CA8: variants seen among roughly 807,000 people sequenced by gnomAD.
CA8 encodes carbonic anhydrase-related protein.
In CA8, 22 loss-of-function variants were observed where a neutral mutation model predicts 41.4. That is an observed-to-expected ratio of 0.53 (90% confidence interval 0.38 to 0.76). The LOEUF (loss-of-function observed/expected upper bound fraction) is 0.76. Ranked by LOEUF, CA8 falls within the 30% of genes least tolerant of loss-of-function variation. The probability of loss-of-function intolerance (pLI) is 0.00; values close to 1 mark genes in which losing one functional copy is unlikely to be tolerated. For missense variants in CA8, 270 were observed against 352.8 expected (o/e 0.77, Z 1.88); for synonymous variants, 121 against 130.6 (o/e 0.93, Z 0.50).
intron 3 of CA8, among the ~76,000 whole-genome samples, chr8:60,257,913 GAGGTCTTTTCAATGTTAC>G (rs1803601497): frequency 6.6e-6 from 1 of 152,244 alleles, no homozygotes; most frequent in Admixed American, 6.5e-5. Flanking sequence ...TTAGGTGAGT[GAGGTCTTTTCAATGTTAC>G]AGTAACACAG....
At chr8:60,276,238 C>T (rs923204581) in intron 2 of CA8, among the ~76,000 whole-genome samples, 1 of 152,130 alleles carries the variant, frequency 6.6e-6, no homozygotes, top group Non-Finnish European at 1.5e-5. Context: ...AACATCCGAT[C>T]TAACACAGGA....
At chr8:60,206,474 T>C (rs2130414313) in intron 8 of CA8, among the ~76,000 whole-genome samples, 1 of 152,132 alleles carries the variant, frequency 6.6e-6, no homozygotes, top group East Asian at 1.9e-4. Context: ...CTCCCTTCAT[T>C]AAAAGTATCA....
chr8:60,236,367 A>T (rs979402600), intron 3 of CA8, among the ~76,000 whole-genome samples: 1 of 152,080 alleles, frequency 6.6e-6, no homozygotes, highest in African/African-American at 2.4e-5. Flanking sequence ...CAGCCCCCAC[A>T]ACTACATGAA....
At chr8:60,232,887 C>A (rs948473507) in intron 3 of CA8, among the ~76,000 whole-genome samples, 1 of 152,076 alleles carries the variant, frequency 6.6e-6, no homozygotes, top group Non-Finnish European at 1.5e-5. Flanking sequence ...AAAAAAGCTG[C>A]ATATTTAAAG....
chr8:60,236,031 TG>T (rs1807819404), intron 3 of CA8, among the ~76,000 whole-genome samples: 1 of 152,184 alleles, frequency 6.6e-6, no homozygotes, highest in African/African-American at 2.4e-5. Flanking sequence ...GTTAATTTTA[TG>T]TGTCAGCTTG....
At chr8:60,245,351 CAAAT>C (rs1310674843) in intron 3 of CA8, among the ~76,000 whole-genome samples, 6 of 151,042 alleles carry the variant, frequency 4.0e-5, no homozygotes, top group Non-Finnish European at 8.9e-5. Flanking sequence ...ATCTGAAAGA[CAAAT>C]AGCCCTGTGA....
chr8:60,280,384 T>C (rs1804372267), intron 1 of CA8, among the ~76,000 whole-genome samples: 1 of 152,162 alleles, frequency 6.6e-6, no homozygotes, highest in African/African-American at 2.4e-5. Flanking sequence ...CCCATAGTCT[T>C]TCCAAATTTT....
intron 2 of CA8, among the ~76,000 whole-genome samples, chr8:60,268,772 T>G (rs1377344718): frequency 6.6e-6 from 1 of 152,118 alleles, no homozygotes; most frequent in Non-Finnish European, 1.5e-5. Context: ...TATCCTGAAG[T>G]GTAAATTCAT....
intron 8 of CA8, among the ~76,000 whole-genome samples, chr8:60,206,967 C>A (rs1806608561): frequency 1.3e-5 from 2 of 152,106 alleles, no homozygotes; most frequent in African/African-American, 4.8e-5. Flanking sequence ...CTTCTTCAAT[C>A]CCACCCCGTC....
chr8:60,256,253 T>C (rs892475801), intron 3 of CA8, among the ~76,000 whole-genome samples: 1 of 152,012 alleles, frequency 6.6e-6, no homozygotes, highest in African/African-American at 2.4e-5. Context: ...TGTATAAGGG[T>C]AGGTAGAATT....
intron 7 of CA8, among the ~76,000 whole-genome samples, chr8:60,221,791 T>C (rs1160050820): frequency 6.6e-6 from 1 of 151,288 alleles, no homozygotes; most frequent in Non-Finnish European, 1.5e-5. Context: ...AAGAAGGATT[T>C]TTTTTTAAGA....
At chr8:60,229,317 C>T (rs79369423) in intron 4 of CA8, among the ~76,000 whole-genome samples, 3,634 of 152,268 alleles carry the variant, frequency 0.024, 167 homozygotes, top group African/African-American at 0.082. Flanking sequence ...TTTTGCAGGC[C>T]TTTCAAGTGG....
chr8:60,240,576 T>C (rs1807988414), intron 3 of CA8, among the ~76,000 whole-genome samples: 2 of 152,248 alleles, frequency 1.3e-5, no homozygotes, highest in Admixed American at 6.5e-5. Flanking sequence ...CAGATGTAAC[T>C]GGACCTGTAA....
chr8:60,236,422 TTCTC>T (rs1563361503), intron 3 of CA8, among the ~76,000 whole-genome samples: 1 of 152,170 alleles, frequency 6.6e-6, no homozygotes, highest in Non-Finnish European at 1.5e-5. Context: ...CTCCCTCTGT[TTCTC>T]TCTCTTTCTC....
chr8:60,265,994 T>C lies in CA8; in HGVS notation c.348A>G (p.Arg116=). The C allele has an allele frequency of 6.2e-7, 1 of 1,613,992 alleles. No homozygotes were observed. The highest frequency in any genetic ancestry group is 2.2e-5 in the East Asian group (1 of 44,880). ...QGHEFELYEV[R]FHWGRENQRG... ...GCTGGTTTTCTCTTCCCCAGTGAAA[T>C]CTCACTTCGTACAGTTCAAATTCAT... The change falls in exon 3 of 9, where the codon AGA becomes AGG. Residue 116 remains arginine, a synonymous_variant. Coordinates refer to ENST00000317995, the MANE Select transcript of CA8 (RefSeq NM_004056.6).
At chr8:60,242,849 G>C (rs902567304) in intron 3 of CA8, among the ~76,000 whole-genome samples, 2 of 152,208 alleles carry the variant, frequency 1.3e-5, no homozygotes, top group African/African-American at 4.8e-5. Flanking sequence ...AGCACTGAAA[G>C]GTCTAGCGCC....
intron 2 of CA8, among the ~76,000 whole-genome samples, chr8:60,270,547 C>A (rs1033427608): frequency 1.3e-5 from 2 of 152,136 alleles, no homozygotes; most frequent in African/African-American, 4.8e-5. Context: ...TCCCTAGTAG[C>A]AGAGATTATA....
chr8:60,273,983 G>C (rs956230993), intron 2 of CA8, among the ~76,000 whole-genome samples: 5 of 152,338 alleles, frequency 3.3e-5, no homozygotes, highest in Admixed American at 2.0e-4. Context: ...TACTACAACT[G>C]TTCTAAACCT....
chr8:60,272,066 C>A (rs903710501), intron 2 of CA8, among the ~76,000 whole-genome samples: 5 of 152,160 alleles, frequency 3.3e-5, no homozygotes, highest in Non-Finnish European at 7.3e-5. Context: ...GGGAGGGACT[C>A]TGCTACCTTG....
Sources: gnomAD v4.1 joint callset for allele counts (sites outside exome capture counted in the v4.1 genomes callset) on GRCh38, gnomAD v4.1.1 for gene constraint, MANE v1.5 for transcripts, NCBI Gene and HGNC (gene_info 2026-07-23, HGNC 2026-07-21) for gene names.